Variants in MAGI2 observed in about 807,000 individuals in gnomAD.
MAGI2 encodes membrane associated guanylate kinase, WW and PDZ domain containing 2, also known as membrane-associated guanylate kinase, WW and PDZ domain-containing protein 2.
In MAGI2, 35 loss-of-function variants were observed where a neutral mutation model predicts 133.3. The ratio of observed to expected loss-of-function variants is 0.26; its 90% CI spans 0.20 to 0.35. MAGI2 has a LOEUF of 0.35. Among genes scored for constraint, MAGI2 ranks in the 10% least tolerant of loss-of-function variants. The pLI, the probability that MAGI2 is intolerant of heterozygous loss-of-function variation, is 1.00. For missense variants in MAGI2, 1,636 were observed against 1,863.4 expected, an observed-to-expected ratio of 0.88 and a Z score of 2.25; for synonymous variants, 729 against 710.6, an observed-to-expected ratio of 1.03 and a Z score of -0.41.
At chr7:79,233,928 A>G (rs57239172) in intron 1 of MAGI2, among the ~76,000 whole-genome samples, 93,478 of 148,302 alleles carry the variant, frequency 0.63, 30,442 homozygotes, top group Non-Finnish European at 0.7. Context: ...TGCAGCGGCT[A>G]GTACTGGTTG....
At chr7:78,730,066 C>T (rs1821218907) in intron 2 of MAGI2, among the ~76,000 whole-genome samples, 1 of 152,042 alleles carries the variant, frequency 6.6e-6, no homozygotes. Flanking sequence ...TTGAAATAAA[C>T]CAAATGCAAC....
intron 1 of MAGI2, among the ~76,000 whole-genome samples, chr7:79,282,561 T>C: frequency 6.6e-6 from 1 of 152,118 alleles, no homozygotes; most frequent in East Asian, 1.9e-4. Flanking sequence ...CTACTACATC[T>C]TTTAAGCCAA....
chr7:78,817,007 T>C (rs1789639029), intron 2 of MAGI2, among the ~76,000 whole-genome samples: 1 of 152,198 alleles, frequency 6.6e-6, no homozygotes, highest in African/African-American at 2.4e-5. Context: ...GGATTCACCA[T>C]TAAGAACATT....
At chr7:78,230,667 G>A (rs1270030487) in intron 10 of MAGI2, among the ~76,000 whole-genome samples, 2 of 152,152 alleles carry the variant, frequency 1.3e-5, no homozygotes, top group African/African-American at 4.8e-5. Flanking sequence ...GGGGCAGCTT[G>A]GGTAATTAAT....
intron 9 of MAGI2, among the ~76,000 whole-genome samples, chr7:78,282,472 A>G (rs1364573846): frequency 6.6e-6 from 1 of 152,148 alleles, no homozygotes; most frequent in Admixed American, 6.6e-5. Flanking sequence ...CTACAACAGC[A>G]GAGTTGAAAT....
At chr7:78,763,898 T>TA (rs1357707776) in intron 2 of MAGI2, among the ~76,000 whole-genome samples, 1 of 152,236 alleles carries the variant, frequency 6.6e-6, no homozygotes, top group Non-Finnish European at 1.5e-5. Flanking sequence ...TCCTTACATG[T>TA]ATGCAGCTTG....
At chr7:78,383,102 T>C (rs142899045) in intron 6 of MAGI2, among the ~76,000 whole-genome samples, 128 of 152,230 alleles carry the variant, frequency 8.4e-4, no homozygotes, top group Non-Finnish European at 6.6e-4. Flanking sequence ...GATATATTGA[T>C]TTCTTTTGCT....
At chr7:78,804,550 C>T (rs1788353312) in intron 2 of MAGI2, among the ~76,000 whole-genome samples, 1 of 145,212 alleles carries the variant, frequency 6.9e-6, no homozygotes, top group African/African-American at 2.6e-5. Context: ...AAATCGAGAC[C>T]CTCCTGGCTA....
chr7:78,482,581 G>A lies in MAGI2; in HGVS notation c.1045+7180C>T, dbSNP rs554259092. On this transcript the variant is annotated intron_variant, in intron 6 of 21. Coordinates refer to ENST00000354212, the MANE Select transcript of MAGI2 (RefSeq NM_012301.4). ...CTGGCATATTATACTGCAATAAAAA[G>A]TAGCAAACTATTGATACACACACTA... Among the ~76,000 whole-genome samples, 29 of 151,942 alleles carry A rather than the reference G, an allele frequency of 1.9e-4. No homozygotes were observed. In the South Asian group the frequency reaches 6.0e-3, roughly 31 times the overall value.
chr7:78,784,709 T>C (rs113597023), intron 2 of MAGI2, among the ~76,000 whole-genome samples: 1 of 152,222 alleles, frequency 6.6e-6, no homozygotes, highest in African/African-American at 2.4e-5. Context: ...CATTTCTACA[T>C]GGATGTCTAT....
Position 78,019,908 on chromosome 7 carries a change from C to G in MAGI2, c.3775G>C (p.Asp1259His), listed in dbSNP as rs768314813. 6.2e-7 allele frequency: 1 copy of G among 1,610,598 alleles called. No individual in the cohort carries two copies. Among genetic ancestry groups the G allele is most frequent in the South Asian group, 1.1e-5 (1 of 90,414 alleles). The change falls in exon 22 of 22, where the codon GAC (aspartate) becomes CAC (histidine). Residue 1259 changes from aspartate to histidine, a missense_variant. Physicochemically the swap from Asp to His is moderately conservative, Grantham distance 81. Around this residue, in one of 5 missense-constraint regions of MAGI2, gnomAD observed 354 missense variants for 298.7 expected, o/e 1.19. Transcript: ENST00000354212. The part of the protein sequence containing the change: ...PGLPEVGVSL[D>H]DGLAPFSPSH... ...GGAGAGAATGGAGCGAGGCCGTCGTCCAGGGAGACGCCTACTTCCGGCAGA... is the reference window on the plus strand; with the variant it reads ...GGAGAGAATGGAGCGAGGCCGTCGTGCAGGGAGACGCCTACTTCCGGCAGA...
intron 6 of MAGI2, among the ~76,000 whole-genome samples, chr7:78,474,149 T>G (rs772750229): frequency 6.7e-6 from 1 of 149,924 alleles, no homozygotes; most frequent in Non-Finnish European, 1.5e-5. Flanking sequence ...GACTATAAGA[T>G]TAAACCAATG....
chr7:78,312,057 C>T (rs1177744296), intron 9 of MAGI2, among the ~76,000 whole-genome samples: 2 of 152,176 alleles, frequency 1.3e-5, no homozygotes, highest in Non-Finnish European at 2.9e-5. Context: ...GCATAAACCA[C>T]TGCACCTGGT....
At chr7:79,334,428 G>C (rs1840292043) in intron 1 of MAGI2, among the ~76,000 whole-genome samples, 1 of 152,004 alleles carries the variant, frequency 6.6e-6, no homozygotes, top group Non-Finnish European at 1.5e-5. Flanking sequence ...TTTTTTATAA[G>C]TCTTTTATAA....
intron 21 of MAGI2, among the ~76,000 whole-genome samples, chr7:78,045,737 A>G (rs1811350783): frequency 1.3e-5 from 2 of 152,108 alleles, no homozygotes; most frequent in Admixed American, 1.3e-4. Context: ...TTTCCTTTAC[A>G]ATTATGTACA....
intron 3 of MAGI2, among the ~76,000 whole-genome samples, chr7:78,590,287 A>T (rs1803865045): frequency 6.6e-6 from 1 of 152,098 alleles, no homozygotes; most frequent in Non-Finnish European, 1.5e-5. Flanking sequence ...CCATGCTAGG[A>T]GATTGGCTTC....
chr7:79,167,112 A>G (rs1825005307), intron 1 of MAGI2, among the ~76,000 whole-genome samples: 1 of 152,014 alleles, frequency 6.6e-6, no homozygotes, highest in South Asian at 2.1e-4. Flanking sequence ...CCAATTTAAT[A>G]CCTTACTATA....
At chr7:78,812,067 A>G (rs1036130845) in intron 2 of MAGI2, among the ~76,000 whole-genome samples, 3 of 152,154 alleles carry the variant, frequency 2.0e-5, no homozygotes, top group Admixed American at 2.0e-4. Context: ...TGGGGACACC[A>G]TAAGCCAGGG....
intron 2 of MAGI2, among the ~76,000 whole-genome samples, chr7:78,780,704 C>A (rs761326371): frequency 6.6e-6 from 1 of 152,148 alleles, no homozygotes; most frequent in Non-Finnish European, 1.5e-5. Flanking sequence ...GAACCCAAGG[C>A]GGGGCTCCTC....
Sources: gnomAD v4.1 joint callset for allele counts (sites outside exome capture counted in the v4.1 genomes callset) on GRCh38, gnomAD v4.1.1 for gene constraint, gnomAD v4.1.1 regional missense constraint, MANE v1.5 for transcripts, NCBI Gene and HGNC (gene_info 2026-07-23, HGNC 2026-07-21) for gene names.